The following CELF2 variants were observed in gnomAD, a reference collection of about 807,000 sequenced individuals.
CELF2 encodes CUG triplet repeat RNA-binding protein 2.
CELF2 carries 8 observed loss-of-function variants against 62.6 expected under a neutral mutation model. The ratio of observed to expected loss-of-function variants is 0.13; its 90% CI spans 0.07 to 0.23. The LOEUF is 0.23. CELF2 is among the 10% of genes least tolerant of loss of function. CELF2 has a pLI of 1.00. For missense variants in CELF2, 333 were observed against 671.0 expected (o/e 0.50, Z 5.56); for synonymous variants, 258 against 250.0 (o/e 1.03, Z -0.30).
the CELF2 span, among the ~76,000 whole-genome samples, chr10:10,646,029 T>G: frequency 6.6e-6 from 1 of 152,212 alleles, no homozygotes; most frequent in Non-Finnish European, 1.5e-5. Context: ...TCTTTTGGGC[T>G]AGGACACTGG....
the CELF2 span, among the ~76,000 whole-genome samples, chr10:10,789,407 A>C: frequency 3.9e-5 from 6 of 152,198 alleles, no homozygotes; most frequent in Non-Finnish European, 8.8e-5. Flanking sequence ...ATTAGATACT[A>C]AGTTGCCTCT....
the CELF2 span, among the ~76,000 whole-genome samples, chr10:10,691,207 C>G: frequency 6.6e-6 from 1 of 151,368 alleles, no homozygotes; most frequent in Non-Finnish European, 1.5e-5. Context: ...CTTCCTGTGT[C>G]CATGTGATCT....
At chr10:11,192,555 C>T (rs1271070079) in intron 2 of CELF2, among the ~76,000 whole-genome samples, 2 of 152,220 alleles carry the variant, frequency 1.3e-5, no homozygotes, top group East Asian at 3.8e-4. Flanking sequence ...GCTCCTTCAC[C>T]TCCCCATAAC....
chr10:11,189,286 A>G (rs1426993177), intron 2 of CELF2, among the ~76,000 whole-genome samples: 1 of 152,206 alleles, frequency 6.6e-6, no homozygotes, highest in African/African-American at 2.4e-5. Flanking sequence ...ACTCCTGTTA[A>G]ATAATATATA....
chr10:10,725,773 G>A, the CELF2 span, among the ~76,000 whole-genome samples: 1 of 151,854 alleles, frequency 6.6e-6, no homozygotes, highest in South Asian at 2.1e-4. Flanking sequence ...AACGATATTC[G>A]GGTTGCCTGG....
chr10:11,208,824 G>A (rs1224410629), intron 2 of CELF2, among the ~76,000 whole-genome samples: 2 of 152,128 alleles, frequency 1.3e-5, no homozygotes, highest in African/African-American at 2.4e-5. Context: ...GGCAGGAGGG[G>A]GTCAGAGAGA....
At chr10:10,746,919 A>C in the CELF2 span, among the ~76,000 whole-genome samples, 10 of 152,212 alleles carry the variant, frequency 6.6e-5, no homozygotes, top group African/African-American at 2.4e-4. Flanking sequence ...TGGTGTCACC[A>C]TGTGTTAGAC....
chr10:11,154,226 A>G (rs2063868887), intron 1 of CELF2, among the ~76,000 whole-genome samples: 1 of 152,228 alleles, frequency 6.6e-6, no homozygotes. Context: ...TTTAAGAAAT[A>G]AGCAAATTAA....
rs1235499867 is a variant in CELF2, at chr10:11,110,858, GACCCCCACTAACAA to G, written c.75-54627_75-54614del. ...TCATGCCCGAGAGCTTGGAAGCCTA[GACCCCCACTAACAA>G]GGAGCAAAGCCCTTGGAAACGCAGC... On this transcript the variant is annotated intron_variant, in intron 1 of 12. Coordinates refer to ENST00000633077, the MANE Select transcript of CELF2 (RefSeq NM_001326342.2). The surrounding 1 kb of genome is among the most constrained non-coding windows in gnomAD (Gnocchi z 4.0). Among the ~76,000 whole-genome samples the G allele has an allele frequency of 6.6e-6, 1 of 152,116 alleles. No homozygotes were observed. Among genetic ancestry groups the G allele is most frequent in the East Asian group, 1.9e-4 (1 of 5,194 alleles).
At chr10:11,163,830 C>A (rs1328830345) in intron 1 of CELF2, among the ~76,000 whole-genome samples, 1 of 152,152 alleles carries the variant, frequency 6.6e-6, no homozygotes, top group Non-Finnish European at 1.5e-5. Flanking sequence ...TTTCCTTACC[C>A]CGTAGGGTTT....
chr10:11,043,597 T>C (rs1350558246), intron 1 of CELF2, among the ~76,000 whole-genome samples: 1 of 152,114 alleles, frequency 6.6e-6, no homozygotes, highest in Non-Finnish European at 1.5e-5. Context: ...CCGTCCTTCC[T>C]TTCTCCATCT....
rs1190731933 is a variant in CELF2 at position 11,324,366 on chromosome 10, T to C, written c.1295-1470T>C. 6.6e-6 allele frequency among the ~76,000 whole-genome samples: 1 copy of C among 152,218 alleles called. No individual in the cohort carries two copies. The highest frequency in any genetic ancestry group is 1.5e-5 in the Non-Finnish European group (1 of 68,036). ...CACCCAGGATGTGCACACACAGCAG[T>C]GCTCAGAACATCCCTTTCCAGTGTT... On this transcript the variant is annotated intron_variant, in intron 11 of 12. Coordinates refer to ENST00000633077, the MANE Select transcript of CELF2 (RefSeq NM_001326342.2). The surrounding 1 kb of genome is among the most constrained non-coding windows in gnomAD (Gnocchi z 4.7).
chr10:10,606,090 C>T, the CELF2 span, among the ~76,000 whole-genome samples: 1 of 152,160 alleles, frequency 6.6e-6, no homozygotes, highest in Admixed American at 6.5e-5. Context: ...CCCAACCCTT[C>T]GGTCTCCATT....
the CELF2 span, among the ~76,000 whole-genome samples, chr10:10,516,711 A>G: frequency 6.7e-6 from 1 of 150,056 alleles, no homozygotes; most frequent in Non-Finnish European, 1.5e-5. Context: ...AGAAGATGGC[A>G]GAAAATAAAT....
chr10:10,915,316 A>G (rs2064225536), intron 1 of CELF2, among the ~76,000 whole-genome samples: 3 of 152,184 alleles, frequency 2.0e-5, no homozygotes, highest in African/African-American at 4.8e-5. Flanking sequence ...GAAAATGTCT[A>G]TACACTCAAA....
intron 1 of CELF2, among the ~76,000 whole-genome samples, chr10:11,057,220 C>A (rs1181289915): frequency 6.6e-6 from 1 of 152,000 alleles, no homozygotes; most frequent in Non-Finnish European, 1.5e-5. Flanking sequence ...AGCTAATGAG[C>A]CAGTGTGGGT....
intron 1 of CELF2, among the ~76,000 whole-genome samples, chr10:11,124,068 A>G (rs2058253563): frequency 6.6e-6 from 1 of 152,208 alleles, no homozygotes; most frequent in East Asian, 1.9e-4. Flanking sequence ...ATTCCCGTGT[A>G]TAAAACCATC....
At chr10:10,473,169 G>A in the CELF2 span, among the ~76,000 whole-genome samples, 2 of 151,966 alleles carry the variant, frequency 1.3e-5, no homozygotes, top group Non-Finnish European at 1.5e-5. Flanking sequence ...AAATCATACA[G>A]GAGTAAGCTG....
chr10:10,559,211 A>T, the CELF2 span, among the ~76,000 whole-genome samples: 1 of 152,192 alleles, frequency 6.6e-6, no homozygotes, highest in African/African-American at 2.4e-5. Context: ...TCCTTCCTTC[A>T]TCAGTATTAA....
Sources: gnomAD v4.1 joint callset for allele counts (sites outside exome capture counted in the v4.1 genomes callset) on GRCh38, gnomAD v4.1.1 for gene constraint, Gnocchi (gnomAD v3.1) non-coding constraint, MANE v1.5 for transcripts, NCBI Gene and HGNC (gene_info 2026-07-23, HGNC 2026-07-21) for gene names.